Variants in ALDH9A1 observed in about 807,000 individuals in gnomAD.
The protein encoded by ALDH9A1 is aldehyde dehydrogenase 9 family member A1, also known as 4-trimethylaminobutyraldehyde dehydrogenase.
ALDH9A1 carries 42 observed loss-of-function variants against 56.6 expected under a neutral mutation model. That is an observed-to-expected ratio of 0.74 (90% CI 0.58 to 0.96). The LOEUF (loss-of-function observed/expected upper bound fraction) is 0.96, where lower values mean the gene tolerates loss of function less well. ALDH9A1 is among the 40% of genes least tolerant of loss of function. ALDH9A1 has a pLI of 0.00. For synonymous variants in ALDH9A1, 242 were observed against 236.0 expected, an observed-to-expected ratio of 1.03 and a Z score of -0.23; for missense variants, 661 against 651.5, an observed-to-expected ratio of 1.01 and a Z score of -0.16.
chr1:165,679,786 A>G (rs1649486062), intron 5 of ALDH9A1, among the ~76,000 whole-genome samples: 1 of 152,184 alleles, frequency 6.6e-6, no homozygotes, highest in African/African-American at 2.4e-5. Context: ...TGACATTAGA[A>G]GAGGGAGTTC....
intron 2 of ALDH9A1, among the ~76,000 whole-genome samples, chr1:165,688,430 G>T (rs1037703205): frequency 2.4e-4 from 36 of 152,088 alleles, no homozygotes; most frequent in Non-Finnish European, 1.0e-4. Flanking sequence ...CACCAGAAAT[G>T]GTAAATATGT....
intron 2 of ALDH9A1, among the ~76,000 whole-genome samples, chr1:165,688,344 T>C (rs1649777724): frequency 6.6e-6 from 1 of 151,882 alleles, no homozygotes; most frequent in South Asian, 2.1e-4. Context: ...AGAAAAGAAA[T>C]GCTGAAGAAA....
In ALDH9A1 at chr1:165,698,456, G is replaced by T; in HGVS notation, c.103C>A (p.Pro35Thr). 1 of 1,607,220 alleles carries T rather than the reference G, an allele frequency of 6.2e-7. No individual in the cohort carries two copies. Among genetic ancestry groups the T allele is most frequent in the Non-Finnish European group, 8.5e-7 (1 of 1,177,344 alleles). ...MSTGTFVVSQ[P>T]LNYRGGARVE... ...CGGGCCCCGCCGCGGTAATTGAGCG[G>T]CTGCGACACGACGAAGGTGCCAGTG... Residue 35 changes from proline (P) to threonine (T), a missense_variant, in exon 1 of 11, where the codon CCG becomes ACG. Coordinates refer to ENST00000354775, the MANE Select transcript of ALDH9A1 (RefSeq NM_000696.4).
Position 165,683,077 on chromosome 1 carries a change from T to C in ALDH9A1, c.361A>G (p.Ile121Val), listed in dbSNP as rs1207416943. ...REDEIATMEC[I>V]NNGKSIFEAR... ...TCAAAGATGGACTTGCCATTGTTGA[T>C]GCACTCCATAGTAGCAATTTCATCC... The change falls in exon 3 of 11, where the codon ATC (isoleucine) becomes GTC (valine). Residue 121 changes from isoleucine to valine, a missense_variant. Coordinates refer to ENST00000354775, the MANE Select transcript of ALDH9A1 (RefSeq NM_000696.4). The C allele has an allele frequency of 4.3e-6, 7 of 1,613,946 alleles. No individual in the cohort carries two copies. In the South Asian group the frequency reaches 4.4e-5, roughly 10 times the overall value.
chr1:165,698,526 G>A lies in ALDH9A1; in HGVS notation c.33C>T (p.Ser11=), dbSNP rs749195833. 9 of 1,610,192 alleles carry A rather than the reference G, an allele frequency of 5.6e-6. No homozygotes were observed. In the South Asian group the frequency reaches 7.7e-5, roughly 14 times the overall value. Reference sequence around the variant, plus strand: ...AGGGCCGAAGACTGCGAAGAAGCGGGGAGAGCGCGGCCAGGCCTGCTCGGA... The same window carrying A: ...AGGGCCGAAGACTGCGAAGAAGCGGAGAGAGCGCGGCCAGGCCTGCTCGGA... The part of the protein sequence containing the change: MFLRAGLAAL[S]PLLRSLRPSP... Residue 11 remains serine (S), a synonymous_variant, in exon 1 of 11, where the codon TCC becomes TCT. Coordinates refer to ENST00000354775, the MANE Select transcript of ALDH9A1 (RefSeq NM_000696.4).
intron 6 of ALDH9A1, chr1:165,671,460 C>T (rs1489132022): frequency 2.2e-6 from 1 of 448,546 alleles, no homozygotes; most frequent in Non-Finnish European, 4.4e-6. Context: ...TGATGCTGCA[C>T]AAGTACGATT....
chr1:165,680,446 C>T (rs1649510526), intron 5 of ALDH9A1, 41 bp downstream of exon 5: 1 of 1,598,848 alleles, frequency 6.3e-7, no homozygotes, highest in African/African-American at 1.3e-5. Flanking sequence ...TTGCCACATC[C>T]AAATGCCATG....
At chr1:165,689,578 C>G (rs1435899317) in intron 2 of ALDH9A1, among the ~76,000 whole-genome samples, 1 of 152,168 alleles carries the variant, frequency 6.6e-6, no homozygotes, top group African/African-American at 2.4e-5. Context: ...CCTGCATGCA[C>G]AGGGATCTCA....
chr1:165,680,153 A>G (rs917402610), intron 5 of ALDH9A1, among the ~76,000 whole-genome samples: 10 of 152,234 alleles, frequency 6.6e-5, no homozygotes, highest in African/African-American at 2.4e-4. Context: ...AAATAGCCTG[A>G]GTAAAAATCC....
chr1:165,684,141 T>C (rs1345637707), intron 2 of ALDH9A1, among the ~76,000 whole-genome samples: 2 of 152,154 alleles, frequency 1.3e-5, no homozygotes, highest in East Asian at 3.8e-4. Flanking sequence ...AAAGGACAGT[T>C]GGATAGTGAG....
At chr1:165,692,184 C>G (rs1337544545) in intron 2 of ALDH9A1, among the ~76,000 whole-genome samples, 1 of 152,198 alleles carries the variant, frequency 6.6e-6, no homozygotes, top group Non-Finnish European at 1.5e-5. Flanking sequence ...TCTCTCACCA[C>G]TCCTATTCAA....
chr1:165,675,922 C>T (rs1316397727), intron 6 of ALDH9A1, among the ~76,000 whole-genome samples: 1 of 152,110 alleles, frequency 6.6e-6, no homozygotes, highest in Non-Finnish European at 1.5e-5. Context: ...AAATCTGAAA[C>T]TACTATTATT....
intron 6 of ALDH9A1, among the ~76,000 whole-genome samples, chr1:165,677,751 G>T (rs1649410150): frequency 1.3e-5 from 2 of 151,242 alleles, no homozygotes; most frequent in South Asian, 4.2e-4. Flanking sequence ...TCAGCTACTT[G>T]GGAGGCTGAG....
rs55929408 is a variant in ALDH9A1, at chr1:165,665,055, G to A, written c.1425C>T (p.Ser475=). Residue 475 remains serine (S), a synonymous_variant, in exon 10 of 11, where the codon AGC becomes AGT. Coordinates refer to ENST00000354775, the MANE Select transcript of ALDH9A1 (RefSeq NM_000696.4). Reference sequence around the variant, plus strand: ...ATCCACCAAAGGGCAACTCCACTGGGCTGACGTTATAGTTGTTAATGAAGC... The same window carrying A: ...ATCCACCAAAGGGCAACTCCACTGGACTGACGTTATAGTTGTTAATGAAGC... ...GTCFINNYNV[S]PVELPFGGYK... The A allele has an allele frequency of 6.2e-7, 1 of 1,613,996 alleles. No individual in the cohort carries two copies. The highest frequency in any genetic ancestry group is 8.5e-7 in the Non-Finnish European group (1 of 1,179,926).
rs920837351 is a variant in ALDH9A1 at position 165,698,359 on chromosome 1, C to T, written c.181+19G>A. On this transcript the variant is annotated intron_variant, in intron 1 of 10. Transcript: ENST00000354775. ...TCCGGCCCCAGGGCGCCCCAGCCTC[C>T]CCGGCTCGTTGCAGTTACCGGTTGC... 3.2e-6 allele frequency: 5 copies of T among 1,583,350 alleles called. No homozygotes were observed. Among genetic ancestry groups the T allele is most frequent in the South Asian group, 1.1e-5 (1 of 88,050 alleles).
intron 8 of ALDH9A1, chr1:165,668,691 C>A: frequency 2.8e-6 from 1 of 354,478 alleles, no homozygotes; most frequent in Middle Eastern, 7.6e-4. Flanking sequence ...GAGCTCCTTG[C>A]TTCCAGAACA....
At chr1:165,686,518 T>A (rs56073352) in intron 2 of ALDH9A1, among the ~76,000 whole-genome samples, 64,316 of 147,498 alleles carry the variant, frequency 0.44, 14,871 homozygotes, top group African/African-American at 0.53. Flanking sequence ...TTTTTTTTTT[T>A]AAAAAAAAAA....
rs1209053570 is a variant in ALDH9A1 at position 165,669,472 on chromosome 1, TC to T, written c.931-23del. On this transcript the variant is annotated intron_variant, in intron 6 of 10. Transcript: ENST00000354775. ...AAACCTAAAGGACAAACACAAGACATCAATTTCTATGTGTGTAAGGAGAAAA... is the reference window on the plus strand; with the variant it reads ...AAACCTAAAGGACAAACACAAGACATAATTTCTATGTGTGTAAGGAGAAAA... The T allele has an allele frequency of 8.2e-6, 13 of 1,580,652 alleles. No homozygotes were observed. In the Admixed American group the frequency reaches 1.6e-4, roughly 20 times the overall value.
At chr1:165,676,949 C>G (rs1649382355) in intron 6 of ALDH9A1, among the ~76,000 whole-genome samples, 1 of 152,104 alleles carries the variant, frequency 6.6e-6, no homozygotes, top group African/African-American at 2.4e-5. Context: ...ATTTTTCTTG[C>G]TGAAAGATGT....
Sources: allele counts gnomAD v4.1 joint callset (sites outside exome capture counted in the v4.1 genomes callset), GRCh38; gene constraint gnomAD v4.1.1; transcripts MANE v1.5; gene names NCBI Gene and HGNC (gene_info 2026-07-23, HGNC 2026-07-21).